The following SLC12A1 variants were observed in gnomAD, a reference collection of about 807,000 sequenced individuals.
SLC12A1 encodes solute carrier family 12 member 1.
A neutral mutation model predicts 130.4 loss-of-function variants in SLC12A1; 89 were observed. The observed-to-expected ratio is 0.68, with a 90% confidence interval of 0.58 to 0.81. SLC12A1 has a LOEUF of 0.81. Among genes scored for constraint, SLC12A1 ranks in the 40% least tolerant of loss-of-function variants. The pLI, the probability that SLC12A1 is intolerant of heterozygous loss-of-function variation, is 0.00. For synonymous variants in SLC12A1, 499 were observed against 460.0 expected (o/e 1.08, Z -1.09); for missense variants, 1,310 against 1,336.4 (o/e 0.98, Z 0.31).
intron 4 of SLC12A1, chr15:48,223,322 C>A (rs1353094409): frequency 1.3e-5 from 2 of 152,156 alleles, no homozygotes; most frequent in African/African-American, 4.8e-5. Context: ...TAGGTCTGAG[C>A]ATTTTTAATA....
intron 17 of SLC12A1, among the ~76,000 whole-genome samples, chr15:48,261,125 T>C (rs1045780075): frequency 6.6e-5 from 10 of 152,308 alleles, no homozygotes; most frequent in African/African-American, 2.4e-4. Context: ...CAATATAATA[T>C]AGGAGCCAGT....
chr15:48,286,402 A>C (rs1362026864), intron 21 of SLC12A1, among the ~76,000 whole-genome samples: 1 of 152,202 alleles, frequency 6.6e-6, no homozygotes, highest in African/African-American at 2.4e-5. Flanking sequence ...TTTAGGGTGA[A>C]AATATTTAAA....
intron 5 of SLC12A1, chr15:48,228,631 G>T (rs199757577): frequency 8.0e-6 from 2 of 251,244 alleles, no homozygotes; most frequent in East Asian, 2.0e-4. Context: ...ACATAGAAAA[G>T]CAAGTTTGAT....
rs1008720924 is a variant in SLC12A1 at position 48,302,965 on chromosome 15, C to T, written c.*80C>T. ...TGTTCCAGTACTTTATGTTGTAAAT[C>T]TGATCTATGGATATGCAAACCTCTG... On this transcript the variant is annotated 3_prime_UTR_variant, in exon 27 of 27. Transcript: ENST00000380993. 4.5e-6 allele frequency: 5 copies of T among 1,116,810 alleles called. No homozygotes were observed. In the African/African-American group the frequency reaches 7.7e-5, roughly 17 times the overall value. 69.2% of individuals were successfully genotyped at this position (1,116,810 alleles called of 1,614,324 possible).
chr15:48,288,193 T>C lies in SLC12A1; in HGVS notation c.2761+19T>C. ...GATGGAGGTAAAAACTTTCAGAAAATACACTAGGGACAAGAATTTCAATTT... is the reference window on the plus strand; with the variant it reads ...GATGGAGGTAAAAACTTTCAGAAAACACACTAGGGACAAGAATTTCAATTT... On this transcript the variant is annotated intron_variant, in intron 22 of 26. Coordinates refer to ENST00000380993, the MANE Select transcript of SLC12A1 (RefSeq NM_000338.3). The C allele has an allele frequency of 6.2e-7, 1 of 1,602,250 alleles. No homozygotes were observed. Among genetic ancestry groups the C allele is most frequent in the East Asian group, 2.2e-5 (1 of 44,702 alleles).
In SLC12A1 at chr15:48,208,124, C is replaced by T. The variant is rs182580212; in HGVS notation, c.405C>T (p.His135=). 2.6e-5 allele frequency: 42 copies of T among 1,585,404 alleles called. No homozygotes were observed. The highest frequency in any genetic ancestry group is 2.6e-4 in the African/African-American group (19 of 74,084). ...ACCGACCCAGCCTGCTTGAGATTCA[C>T]GAGCAACTCGCAAAGGTAAGCTTGA... ...KVNRPSLLEI[H]EQLAKNVAVT... Residue 135 remains histidine (H), a synonymous_variant, in exon 2 of 27, where the codon CAC becomes CAT. Transcript: ENST00000380993.
At chr15:48,260,348 TCACA>T (rs10673427) in intron 17 of SLC12A1, among the ~76,000 whole-genome samples, 17,540 of 144,320 alleles carry the variant, frequency 0.12, 1,778 homozygotes, top group East Asian at 0.29. Context: ...TCTCTCTCTA[TCACA>T]CACACACACA....
At chr15:48,274,354 A>C (rs577877806) in intron 19 of SLC12A1, among the ~76,000 whole-genome samples, 9 of 152,328 alleles carry the variant, frequency 5.9e-5, no homozygotes, top group African/African-American at 2.2e-4. Flanking sequence ...AAATTGGCTA[A>C]AGTGAATAAT....
chr15:48,219,161 A>G (rs1292459122), intron 2 of SLC12A1, among the ~76,000 whole-genome samples: 2 of 152,236 alleles, frequency 1.3e-5, no homozygotes, highest in East Asian at 3.8e-4. Context: ...CGGAATCTCA[A>G]AGAAACTTCT....
chr15:48,277,394 G>A (rs769132175), intron 20 of SLC12A1, among the ~76,000 whole-genome samples: 2 of 152,010 alleles, frequency 1.3e-5, no homozygotes, highest in Non-Finnish European at 2.9e-5. Flanking sequence ...TGGGATATGT[G>A]GATTTGTGAG....
chr15:48,209,612 A>T (rs1437565439), intron 2 of SLC12A1, among the ~76,000 whole-genome samples: 2 of 152,188 alleles, frequency 1.3e-5, no homozygotes, highest in East Asian at 3.9e-4. Flanking sequence ...CGTTCCTTCA[A>T]TATTTTTTTA....
intron 19 of SLC12A1, 56 bp from the exon 20 acceptor site, chr15:48,274,515 A>C: frequency 8.8e-7 from 1 of 1,137,624 alleles, no homozygotes; most frequent in Non-Finnish European, 1.3e-6. Context: ...ACTAGTCCAA[A>C]GCTTGAGGAT....
At chr15:48,301,505 G>GGT (rs2042232736) in intron 26 of SLC12A1, 123 bp downstream of exon 26, 1 of 553,314 alleles carries the variant, frequency 1.8e-6, no homozygotes, top group South Asian at 2.5e-5. Flanking sequence ...TTTTTTTTGG[G>GGT]GGGGGGAACA....
chr15:48,246,948 G>A lies in SLC12A1; in HGVS notation c.1492G>A (p.Ala498Thr). ...ATCAGGGTTCGGCCCCCTCATCACT[G>A]CGGGAATCTTTTCTGCAACACTCTC... is the stretch of plus-strand genomic sequence containing the variant. Reference protein sequence around the residue: ...MVSGFGPLITAGIFSATLSSA... With the variant: ...MVSGFGPLITTGIFSATLSSA... The change falls in exon 12 of 27, where the codon GCG (alanine) becomes ACG (threonine). Residue 498 changes from alanine to threonine, a missense_variant. By Grantham distance (58) the Ala-to-Thr change is moderately conservative (BLOSUM62 0). Transcript: ENST00000380993. 3 of 1,613,948 alleles carry A rather than the reference G, an allele frequency of 1.9e-6. No homozygotes were observed. The highest frequency in any genetic ancestry group is 1.3e-5 in the African/African-American group (1 of 75,028).
chr15:48,294,363 A>AAAG (rs1384100874), intron 24 of SLC12A1, among the ~76,000 whole-genome samples: 3 of 151,804 alleles, frequency 2.0e-5, no homozygotes, highest in Non-Finnish European at 2.9e-5. Context: ...AAAAAAAAAA[A>AAAG]AAGAAGAAGA....
chr15:48,240,509 T>C (rs1041780005), intron 9 of SLC12A1, among the ~76,000 whole-genome samples: 3 of 152,196 alleles, frequency 2.0e-5, no homozygotes, highest in Admixed American at 6.5e-5. Context: ...CTTCCAGTCA[T>C]CAAGTTGAGT....
At chr15:48,265,454 T>C (rs1018588567) in intron 17 of SLC12A1, among the ~76,000 whole-genome samples, 2 of 152,224 alleles carry the variant, frequency 1.3e-5, no homozygotes, top group Non-Finnish European at 2.9e-5. Context: ...ACCACTGAAC[T>C]TCCTTGAATA....
intron 17 of SLC12A1, among the ~76,000 whole-genome samples, chr15:48,265,230 C>T (rs1166120556): frequency 2.0e-5 from 3 of 152,174 alleles, no homozygotes; most frequent in African/African-American, 7.2e-5. Flanking sequence ...TTTATGACTT[C>T]TCAATATGGC....
At chr15:48,240,038 T>TCC (rs2041489159) in intron 9 of SLC12A1, among the ~76,000 whole-genome samples, 1 of 15,476 alleles carries the variant, frequency 6.5e-5, no homozygotes, top group Admixed American at 1.8e-3. Context: ...TCCATATATA[T>TCC]ATATATATAT....
Sources: gnomAD v4.1 joint callset for allele counts (sites outside exome capture counted in the v4.1 genomes callset) on GRCh38, gnomAD v4.1.1 for gene constraint, MANE v1.5 for transcripts, NCBI Gene and HGNC (gene_info 2026-07-23, HGNC 2026-07-21) for gene names.